The following RIMBP2 variants were observed in gnomAD, a reference collection of about 807,000 sequenced individuals.
RIMBP2 encodes RIMS binding protein 2.
A neutral mutation model predicts 118.6 loss-of-function variants in RIMBP2; 48 were observed. The observed-to-expected ratio is 0.40, with a 90% CI of 0.32 to 0.51. The LOEUF (loss-of-function observed/expected upper bound fraction) is 0.51. RIMBP2 is among the 20% of genes least tolerant of loss of function. The pLI is 0.41. For missense variants in RIMBP2, 1,551 were observed against 1,768.3 expected (o/e 0.88, Z 2.20); for synonymous variants, 762 against 742.9 (o/e 1.03, Z -0.42).
chr12:130,509,185 G>T (rs1202874510), intron 3 of RIMBP2, among the ~76,000 whole-genome samples: 1 of 152,208 alleles, frequency 6.6e-6, no homozygotes, highest in African/African-American at 2.4e-5. Flanking sequence ...AATTGATTAG[G>T]GCGGCTTACC....
At chr12:130,522,938 G>A (rs1208619300) in intron 2 of RIMBP2, among the ~76,000 whole-genome samples, 1 of 152,120 alleles carries the variant, frequency 6.6e-6, no homozygotes, top group Non-Finnish European at 1.5e-5. Flanking sequence ...GACGATCTCG[G>A]TCTCGCTGCC....
At chr12:130,686,856 G>A (rs1259588970) in intron 1 of RIMBP2, among the ~76,000 whole-genome samples, 1 of 152,230 alleles carries the variant, frequency 6.6e-6, no homozygotes, top group Admixed American at 6.5e-5. Context: ...CTGCTGGGAG[G>A]AAGAGGCCGC....
intron 2 of RIMBP2, among the ~76,000 whole-genome samples, chr12:130,579,513 T>C (rs1314835818): frequency 6.6e-6 from 1 of 152,168 alleles, no homozygotes; most frequent in East Asian, 1.9e-4. Context: ...CCCATGCTCT[T>C]CTTCCCTTTG....
rs922726230 is a variant in RIMBP2 at position 130,623,127 on chromosome 12, C to T, written c.-217+5195G>A. Among the ~76,000 whole-genome samples, 4 of 152,194 alleles carry T rather than the reference C, an allele frequency of 2.6e-5. No homozygotes were observed. Reference sequence around the variant, plus strand: ...ATATAAAACGAAGGTCAACTGAATACTATTAAAGACTGAGGTAATTCCATC... The same window carrying T: ...ATATAAAACGAAGGTCAACTGAATATTATTAAAGACTGAGGTAATTCCATC... On this transcript the variant is annotated intron_variant, in intron 2 of 22. Transcript: ENST00000690449. This position sits in a 1 kb window ranked among gnomAD's most constrained non-coding sequence, Gnocchi z 4.1.
chr12:130,466,528 G>A (rs975609544), intron 6 of RIMBP2, among the ~76,000 whole-genome samples: 4 of 152,158 alleles, frequency 2.6e-5, no homozygotes, highest in African/African-American at 9.7e-5. Context: ...TGGGGACCGT[G>A]AAAGGAAAAT....
intron 8 of RIMBP2, 74 bp downstream of exon 8, chr12:130,451,121 A>G (rs2078969411): frequency 1.3e-6 from 2 of 1,518,306 alleles, no homozygotes; most frequent in Admixed American, 1.8e-5. Context: ...AAAAAACAGG[A>G]CAAACTGGCC....
Position 130,422,332 on chromosome 12 carries a change from A to G in RIMBP2, c.3238+121T>C, listed in dbSNP as rs139465554. On this transcript the variant is annotated intron_variant, in intron 17 of 22. Coordinates refer to ENST00000690449, the MANE Select transcript of RIMBP2 (RefSeq NM_001393629.1). This position sits in a 1 kb window ranked among gnomAD's most constrained non-coding sequence, Gnocchi z 5.2. ...TGTTCCTGCCTTCTTTTTGCCATGA[A>G]TAACAGTGTTCTTTGCTTAGCGGAA... 88 of 601,404 alleles carry G rather than the reference A, an allele frequency of 1.5e-4. No individual in the cohort carries two copies. The East Asian group carries it at 2.4e-3, about 16-fold the overall frequency. The allele number at this position is 601,404 out of a possible 1,614,324, so 37.3% of individuals were successfully genotyped here.
At chr12:130,490,778 TG>T (rs1263710001) in intron 4 of RIMBP2, among the ~76,000 whole-genome samples, 1 of 152,162 alleles carries the variant, frequency 6.6e-6, no homozygotes, top group Non-Finnish European at 1.5e-5. Flanking sequence ...ATCGGCCAAG[TG>T]GGGGCTGCAG....
Position 130,424,780 on chromosome 12 carries a change from GTC to G in RIMBP2, c.2489_2490del (p.Arg830ThrfsTer96), listed in dbSNP as rs2076667581. 3.2e-6 allele frequency: 4 copies of G among 1,232,742 alleles called. No homozygotes were observed. 76.4% of individuals were successfully genotyped at this position (1,232,742 alleles called of 1,614,324 possible). A position where few individuals can be genotyped will look rare whatever the true frequency, so the allele number is the denominator to read the frequency against. On this transcript the variant is annotated frameshift_variant, in exon 16 of 23. Coordinates refer to ENST00000690449, the MANE Select transcript of RIMBP2 (RefSeq NM_001393629.1). LOFTEE classifies it high-confidence loss of function. This position sits in a 1 kb window ranked among gnomAD's most constrained non-coding sequence, Gnocchi z 9.8. ...TCCGCTACTTCGGGGATACTGAAAA[GTC>G]TCTTCCTGTGGGGCTGGTGGGGAAA... ...PEFPHQPHRK[R>X]LFSIPEVAEE...
intron 1 of RIMBP2, among the ~76,000 whole-genome samples, chr12:130,662,662 A>T (rs1035485354): frequency 6.6e-6 from 1 of 152,058 alleles, no homozygotes; most frequent in Non-Finnish European, 1.5e-5. Context: ...CTCAAAAAAA[A>T]AAATCTGGAT....
At chr12:130,519,741 A>G (rs1398190336) in intron 2 of RIMBP2, among the ~76,000 whole-genome samples, 1 of 152,210 alleles carries the variant, frequency 6.6e-6, no homozygotes, top group Non-Finnish European at 1.5e-5. Context: ...GACATTTGAA[A>G]TAGGGGTTAG....
intron 2 of RIMBP2, among the ~76,000 whole-genome samples, chr12:130,599,761 T>C (rs1947787539): frequency 6.6e-6 from 1 of 152,226 alleles, no homozygotes; most frequent in Non-Finnish European, 1.5e-5. Context: ...AAATGTTAAA[T>C]GCACACCTAC....
At chr12:130,536,157 TGTGGGTGGTATGTAC>T (rs1007574198) in intron 2 of RIMBP2, among the ~76,000 whole-genome samples, 2 of 152,070 alleles carry the variant, frequency 1.3e-5, no homozygotes, top group African/African-American at 4.8e-5. Flanking sequence ...TAAGTAATAG[TGTGGGTGGTATGTAC>T]AAAAATGAGA....
rs1050473076 is a variant in RIMBP2, at chr12:130,506,886, C to T, written c.-126-116G>A. On this transcript the variant is annotated intron_variant, in intron 3 of 22. Transcript: ENST00000690449. ...ATTTCCTCCTAGAGAATCCTTCCCTCCCTCCTTCTCCATCATGGACTGGGT... is the reference window on the plus strand; with the variant it reads ...ATTTCCTCCTAGAGAATCCTTCCCTTCCTCCTTCTCCATCATGGACTGGGT... 16 of 771,544 alleles carry T rather than the reference C, an allele frequency of 2.1e-5. No homozygotes were observed. The African/African-American group carries it at 2.1e-4, about 10-fold the overall frequency. 47.8% of individuals were successfully genotyped at this position (771,544 alleles called of 1,614,324 possible). A position where few individuals can be genotyped will look rare whatever the true frequency, so the allele number is the denominator to read the frequency against.
rs772175729 is a variant in RIMBP2 at position 130,688,684 on chromosome 12, CA to C, written c.-352+27537del. Among the ~76,000 whole-genome samples, 1 of 152,202 alleles carries C rather than the reference CA, an allele frequency of 6.6e-6. No homozygotes were observed. Among genetic ancestry groups the C allele is most frequent in the East Asian group, 1.9e-4 (1 of 5,166 alleles). ...CCCAAGGGCAGGTGACAGGTACAGG[CA>C]GGGGGACACTAAAACCCCACATTCT... is the stretch of plus-strand genomic sequence containing the variant. On this transcript the variant is annotated intron_variant, in intron 1 of 22. Coordinates refer to ENST00000690449, the MANE Select transcript of RIMBP2 (RefSeq NM_001393629.1). This position sits in a 1 kb window ranked among gnomAD's most constrained non-coding sequence, Gnocchi z 4.7.
chr12:130,673,644 T>C (rs1566446242), intron 1 of RIMBP2, among the ~76,000 whole-genome samples: 1 of 152,202 alleles, frequency 6.6e-6, no homozygotes, highest in East Asian at 1.9e-4. Context: ...ACTGCATTCA[T>C]GGAACCTCAG....
At chr12:130,459,833 G>T (rs1457061901) in intron 6 of RIMBP2, among the ~76,000 whole-genome samples, 2 of 152,174 alleles carry the variant, frequency 1.3e-5, no homozygotes, top group Non-Finnish European at 2.9e-5. Context: ...ACTCTCTGTG[G>T]TTTGGTCCCC....
intron 1 of RIMBP2, among the ~76,000 whole-genome samples, chr12:130,673,622 AGTAGAAC>A (rs2064301096): frequency 1.3e-5 from 2 of 152,312 alleles, no homozygotes; most frequent in Admixed American, 6.5e-5. Context: ...AGGCCATTGC[AGTAGAAC>A]TGGAACTGCA....
chr12:130,407,358 G>A (rs987973969), intron 20 of RIMBP2, among the ~76,000 whole-genome samples: 1 of 152,172 alleles, frequency 6.6e-6, no homozygotes, highest in African/African-American at 2.4e-5. Context: ...TCTATGTGTG[G>A]GGCCTGACTG....
Sources: allele counts gnomAD v4.1 joint callset (sites outside exome capture counted in the v4.1 genomes callset), GRCh38; gene constraint gnomAD v4.1.1; non-coding constraint Gnocchi (gnomAD v3.1); transcripts MANE v1.5; gene names NCBI Gene and HGNC (gene_info 2026-07-23, HGNC 2026-07-21).